The following TSHZ2 variants were observed in gnomAD, a reference collection of about 807,000 sequenced individuals.
TSHZ2 encodes teashirt homolog 2.
TSHZ2 carries 21 observed loss-of-function variants against 74.4 expected under a neutral mutation model. That is an observed-to-expected ratio of 0.28 (90% confidence interval 0.20 to 0.41). TSHZ2 has a LOEUF of 0.41. Ranked by LOEUF, TSHZ2 falls within the 10% of genes least tolerant of loss-of-function variation. The pLI is 1.00. For synonymous variants in TSHZ2, 540 were observed against 515.3 expected (o/e 1.05, Z -0.65); for missense variants, 1,244 against 1,293.5 (o/e 0.96, Z 0.59).
At chr20:52,991,180 G>T (rs1441012672) in intron 1 of TSHZ2, among the ~76,000 whole-genome samples, 1 of 151,278 alleles carries the variant, frequency 6.6e-6, no homozygotes, top group Non-Finnish European at 1.5e-5. Context: ...GGGGGAGAGA[G>T]TGTGAAAGCT....
At chr20:53,027,688 G>A (rs1983496868) in intron 1 of TSHZ2, among the ~76,000 whole-genome samples, 1 of 152,080 alleles carries the variant, frequency 6.6e-6, no homozygotes, top group Admixed American at 6.5e-5. Context: ...GAGCCCAGGA[G>A]TTTGAAGCTG....
intron 1 of TSHZ2, among the ~76,000 whole-genome samples, chr20:53,179,970 C>T (rs905866469): frequency 5.3e-5 from 8 of 152,096 alleles, no homozygotes; most frequent in Admixed American, 1.3e-4. Context: ...TCAGAATAAC[C>T]GTAATGGAAA....
At chr20:53,432,265 G>A (rs895596179) in intron 2 of TSHZ2, among the ~76,000 whole-genome samples, 1 of 152,090 alleles carries the variant, frequency 6.6e-6, no homozygotes, top group African/African-American at 2.4e-5. Context: ...TTAGAATAAT[G>A]GCCTCCAGTT....
rs77196757 is a variant in TSHZ2, at chr20:53,424,249, C to T, written c.*9-62895C>T. On this transcript the variant is annotated intron_variant, in intron 2 of 2. Coordinates refer to ENST00000371497, the MANE Select transcript of TSHZ2 (RefSeq NM_173485.6). ...ATGCCAGTAGCACCTCCTCTCAAAT[C>T]GTGACAACCAAAAATGTCTCCAGAT... Among the ~76,000 whole-genome samples, 75 of 152,316 alleles carry T rather than the reference C, an allele frequency of 4.9e-4. No homozygotes were observed. The East Asian group carries it at 7.3e-3, about 15-fold the overall frequency.
At chr20:53,098,126 A>AC (rs1284358615) in intron 1 of TSHZ2, 1 of 152,276 alleles carries the variant, frequency 6.6e-6, no homozygotes, top group East Asian at 1.9e-4. Context: ...AAATCAGCAG[A>AC]ATATTGTGGT....
At chr20:53,286,519 G>A (rs1261770350) in intron 2 of TSHZ2, among the ~76,000 whole-genome samples, 1 of 150,518 alleles carries the variant, frequency 6.6e-6, no homozygotes, top group Non-Finnish European at 1.5e-5. Flanking sequence ...CTTTTTTTTT[G>A]GTCTTAGGGC....
chr20:53,290,300 G>T (rs79280164), intron 2 of TSHZ2, among the ~76,000 whole-genome samples: 4,408 of 151,814 alleles, frequency 0.029, 183 homozygotes, highest in African/African-American at 0.096. Context: ...AACTTCAAAG[G>T]TTTATAGGGT....
At chr20:53,191,916 G>T (rs1988745399) in intron 1 of TSHZ2, among the ~76,000 whole-genome samples, 1 of 152,014 alleles carries the variant, frequency 6.6e-6, no homozygotes, top group Admixed American at 6.5e-5. Flanking sequence ...CTTATTCTTT[G>T]TCTTTTTTGG....
chr20:53,298,553 G>T (rs1991424341), intron 2 of TSHZ2, among the ~76,000 whole-genome samples: 1 of 152,216 alleles, frequency 6.6e-6, no homozygotes, highest in African/African-American at 2.4e-5. Flanking sequence ...AAGGAGCTTG[G>T]CTTGTTTGGG....
chr20:53,315,868 T>G (rs1365977947), intron 2 of TSHZ2, among the ~76,000 whole-genome samples: 2 of 152,122 alleles, frequency 1.3e-5, no homozygotes, highest in Non-Finnish European at 1.5e-5. Context: ...GTATGAGAAA[T>G]ACACAGAGGC....
At chr20:53,414,824 G>A (rs1223520212) in intron 2 of TSHZ2, among the ~76,000 whole-genome samples, 1 of 152,178 alleles carries the variant, frequency 6.6e-6, no homozygotes, top group Non-Finnish European at 1.5e-5. Flanking sequence ...AGTGACCAGA[G>A]TGACCAGGCT....
At chr20:53,055,368 A>G (rs1027865911) in intron 1 of TSHZ2, among the ~76,000 whole-genome samples, 2 of 152,218 alleles carry the variant, frequency 1.3e-5, no homozygotes, top group Admixed American at 1.3e-4. Context: ...TGGATGTGAA[A>G]TTATCTCACT....
intron 1 of TSHZ2, among the ~76,000 whole-genome samples, chr20:53,100,763 A>G (rs1280758433): frequency 2.0e-5 from 3 of 152,074 alleles, no homozygotes; most frequent in African/African-American, 7.2e-5. Context: ...TTATTGAACA[A>G]CCTCTGGACA....
intron 2 of TSHZ2, among the ~76,000 whole-genome samples, chr20:53,349,566 C>A (rs925306554): frequency 6.6e-6 from 1 of 150,566 alleles, no homozygotes; most frequent in Non-Finnish European, 1.5e-5. Flanking sequence ...GCGGGAGGAT[C>A]ACTTGAGTCT....
chr20:53,298,275 G>A (rs1991419409), intron 2 of TSHZ2, among the ~76,000 whole-genome samples: 1 of 152,234 alleles, frequency 6.6e-6, no homozygotes, highest in Admixed American at 6.5e-5. Flanking sequence ...GAGAGGGGCA[G>A]AGAACAAACA....
intron 2 of TSHZ2, among the ~76,000 whole-genome samples, chr20:53,333,246 T>C (rs1246895936): frequency 6.6e-6 from 1 of 152,210 alleles, no homozygotes; most frequent in Non-Finnish European, 1.5e-5. Flanking sequence ...ATACTGAGTT[T>C]CCTAAACTTG....
intron 1 of TSHZ2, among the ~76,000 whole-genome samples, chr20:53,082,033 G>A (rs187762136): frequency 5.9e-4 from 90 of 151,774 alleles, no homozygotes; most frequent in African/African-American, 1.7e-3. Context: ...AAGGTCACCC[G>A]TCACTGACTT....
At chr20:52,982,127 G>A (rs1374689911) in intron 1 of TSHZ2, among the ~76,000 whole-genome samples, 1 of 152,218 alleles carries the variant, frequency 6.6e-6, no homozygotes, top group Non-Finnish European at 1.5e-5. Flanking sequence ...TCTCAGAGGA[G>A]GGGACATCTG....
chr20:53,027,515 G>C (rs1983488818), intron 1 of TSHZ2, among the ~76,000 whole-genome samples: 1 of 152,170 alleles, frequency 6.6e-6, no homozygotes, highest in Admixed American at 6.6e-5. Context: ...GGTAGAAGAG[G>C]ATGGTATTTA....
Sources: gnomAD v4.1 joint callset for allele counts (sites outside exome capture counted in the v4.1 genomes callset) on GRCh38, gnomAD v4.1.1 for gene constraint, MANE v1.5 for transcripts, NCBI Gene and HGNC (gene_info 2026-07-23, HGNC 2026-07-21) for gene names.